Variants in RHBDL1 observed in about 807,000 individuals in gnomAD.
The protein encoded by RHBDL1 is rhomboid-related protein 1.
RHBDL1 carries 21 observed loss-of-function variants against 34.0 expected under a neutral mutation model. The ratio of observed to expected loss-of-function variants is 0.62; its 90% confidence interval spans 0.44 to 0.89. The LOEUF is 0.89. Ranked by LOEUF, RHBDL1 falls within the 40% of genes least tolerant of loss-of-function variation. The probability of loss-of-function intolerance (pLI) is 0.00; values close to 1 mark genes in which losing one functional copy is unlikely to be tolerated. For synonymous variants in RHBDL1, 268 were observed against 234.8 expected (o/e 1.14, Z -1.29); for missense variants, 450 against 530.6 (o/e 0.85, Z 1.49).
chr16:676,267 C>A lies in RHBDL1; in HGVS notation c.40-69C>A. ...GCCTGAGCCTGATGCTCCCAGCCAG[C>A]CTGGCCCAGCCCTTTGGTCCAGGGG... On this transcript the variant is annotated intron_variant, in intron 1 of 7. Coordinates refer to ENST00000352681, the MANE Select transcript of RHBDL1 (RefSeq NM_001278720.2). The surrounding 1 kb of genome is among the most constrained non-coding windows in gnomAD (Gnocchi z 6.9). 1 of 1,571,014 alleles carries A rather than the reference C, an allele frequency of 6.4e-7. No individual in the cohort carries two copies. The highest frequency in any genetic ancestry group is 8.6e-7 in the Non-Finnish European group (1 of 1,158,386).
chr16:677,238 A>T (rs1223311268), intron 4 of RHBDL1, 38 bp from the exon 5 acceptor site: 1 of 1,554,564 alleles, frequency 6.4e-7, no homozygotes, highest in Non-Finnish European at 8.7e-7. Flanking sequence ...CGGATGGCTG[A>T]CCCCACCCTT....
chr16:676,992 G>A lies in RHBDL1; in HGVS notation c.448G>A (p.Gly150Arg), dbSNP rs1471118161. Residue 150 changes from glycine (G) to arginine (R), a missense_variant, in exon 4 of 8, where the codon GGG becomes AGG. Gly to Arg is a moderately radical substitution (Grantham distance 125, BLOSUM62 -2). Coordinates refer to ENST00000352681, the MANE Select transcript of RHBDL1 (RefSeq NM_001278720.2). The surrounding 1 kb of genome is among the most constrained non-coding windows in gnomAD (Gnocchi z 6.9). ...CCAGATCATCGTGTTCCTGTGTTAC[G>A]GGGCCCGCCTCAACAAGTGGGTGCT... ...LAQIIVFLCY[G>R]ARLNKWVLQT... The A allele has an allele frequency of 3.1e-6, 5 of 1,612,420 alleles. No homozygotes were observed. The highest frequency in any genetic ancestry group is 3.4e-6 in the Non-Finnish European group (4 of 1,179,850).
rs576042519 is a variant in RHBDL1 at position 677,342 on chromosome 16, C to T, written c.642C>T (p.His214=). 8.3e-6 allele frequency: 13 copies of T among 1,575,224 alleles called. No individual in the cohort carries two copies. Among genetic ancestry groups the T allele is most frequent in the African/African-American group, 2.7e-5 (2 of 74,030 alleles). ...LMIGVPLEMV[H]GLLRISLLYL... ...TCGGGGTGCCCCTGGAGATGGTGCACGGCCTGCTCCGCATCAGCCTGCTCT... is the reference window on the plus strand; with the variant it reads ...TCGGGGTGCCCCTGGAGATGGTGCATGGCCTGCTCCGCATCAGCCTGCTCT... Residue 214 remains histidine (H), a synonymous_variant, in exon 5 of 8, where the codon CAC becomes CAT. Transcript: ENST00000352681.
chr16:676,522 C>A lies in RHBDL1; in HGVS notation c.201+25C>A, dbSNP rs765566380. The A allele has an allele frequency of 1.3e-6, 2 of 1,572,476 alleles. No homozygotes were observed. The highest frequency in any genetic ancestry group is 1.7e-6 in the Non-Finnish European group (2 of 1,162,454). On this transcript the variant is annotated intron_variant, in intron 2 of 7. Transcript: ENST00000352681. This position sits in a 1 kb window ranked among gnomAD's most constrained non-coding sequence, Gnocchi z 6.9. Reference sequence around the variant, plus strand: ...GGTCAGTGCCACGGTGGGCAGGCGGCAGGGGCACGGTGTCCTGGCCAGAGG... The same window carrying A: ...GGTCAGTGCCACGGTGGGCAGGCGGAAGGGGCACGGTGTCCTGGCCAGAGG...
Position 677,972 on chromosome 16 carries a change from G to A in RHBDL1, c.1042G>A (p.Gly348Ser), listed in dbSNP as rs201293235. Residue 348 changes from glycine (G) to serine (S), a missense_variant, in exon 8 of 8, where the codon GGC becomes AGC. Coordinates refer to ENST00000352681, the MANE Select transcript of RHBDL1 (RefSeq NM_001278720.2). Reference sequence around the variant, plus strand: ...CTGGTGGGTGGTGCTGCTGGCCTACGGCACCTTCCTGCTCTTCGCCGTCTT... The same window carrying A: ...CTGGTGGGTGGTGCTGCTGGCCTACAGCACCTTCCTGCTCTTCGCCGTCTT... ...CGWWVVLLAY[G>S]TFLLFAVFWN... 69 of 1,602,254 alleles carry A rather than the reference G, an allele frequency of 4.3e-5. No individual in the cohort carries two copies. The highest frequency in any genetic ancestry group is 2.2e-5 in the East Asian group (1 of 44,822).
At chr16:677,409 C>A (rs540907306) in intron 5 of RHBDL1, 21 bp downstream of exon 5, 1 of 1,569,970 alleles carries the variant, frequency 6.4e-7, no homozygotes, top group East Asian at 2.4e-5. Context: ...CGCGCACCCC[C>A]GCCCCCTGCC....
rs776510237 is a variant in RHBDL1, at chr16:675,768, A to ACCCCGGC, written c.-14_-8dup. On this transcript the variant is annotated 5_prime_UTR_variant, in exon 1 of 8. Coordinates refer to ENST00000352681, the MANE Select transcript of RHBDL1 (RefSeq NM_001278720.2). ...TCCCGGCCGCGGCCGCCGACCCCGG[A>ACCCCGGC]CCCCGGCCCCCGGCCAGGCTCTATG... 3.9e-4 allele frequency: 571 copies of ACCCCGGC among 1,451,146 alleles called. 2 individuals are homozygous for ACCCCGGC. In the East Asian group the frequency reaches 5.0e-3, roughly 13 times the overall value. 89.9% of individuals were successfully genotyped at this position (1,451,146 alleles called of 1,614,324 possible). A position where few individuals can be genotyped will look rare whatever the true frequency, so the allele number is the denominator to read the frequency against.
rs756998638 is a variant in RHBDL1 at position 677,925 on chromosome 16, A to T, written c.995A>T (p.Glu332Val). ...MGLTILRSYE[E>V]RLRDQCGWWV... ...CTGACCATCCTGCGGAGCTACGAGG[A>T]GCGCCTGCGGGACCAGTGCGGCTGG... Residue 332 changes from glutamate (E) to valine (V), a missense_variant, in exon 8 of 8, where the codon GAG becomes GTG. By Grantham distance (121) the Glu-to-Val change is moderately radical. Transcript: ENST00000352681. 6.2e-7 allele frequency: 1 copy of T among 1,603,674 alleles called. No homozygotes were observed. Among genetic ancestry groups the T allele is most frequent in the Non-Finnish European group, 8.5e-7 (1 of 1,179,352 alleles).
rs2039548247 is a variant in RHBDL1 at position 676,581 on chromosome 16, G to C, written c.201+84G>C. ...AGGCAGCTCCTCACGGCGGTGGGTG[G>C]GGGGCTTGTGGATGCGGGGAGCTGG... is the stretch of plus-strand genomic sequence containing the variant. On this transcript the variant is annotated intron_variant, in intron 2 of 7. Coordinates refer to ENST00000352681, the MANE Select transcript of RHBDL1 (RefSeq NM_001278720.2). This position sits in a 1 kb window ranked among gnomAD's most constrained non-coding sequence, Gnocchi z 6.9. The C allele has an allele frequency of 5.7e-6, 9 of 1,575,724 alleles. No individual in the cohort carries two copies. The highest frequency in any genetic ancestry group is 7.7e-6 in the Non-Finnish European group (9 of 1,163,894).
rs1218855260 is a variant in RHBDL1 at position 676,569 on chromosome 16, C to T, written c.201+72C>T. On this transcript the variant is annotated intron_variant, in intron 2 of 7. Transcript: ENST00000352681. The surrounding 1 kb of genome is among the most constrained non-coding windows in gnomAD (Gnocchi z 6.9). Reference sequence around the variant, plus strand: ...GAGGAGGCGGGCAGGCAGCTCCTCACGGCGGTGGGTGGGGGGCTTGTGGAT... The same window carrying T: ...GAGGAGGCGGGCAGGCAGCTCCTCATGGCGGTGGGTGGGGGGCTTGTGGAT... The T allele has an allele frequency of 8.3e-6, 13 of 1,570,336 alleles. No homozygotes were observed. Among genetic ancestry groups the T allele is most frequent in the Middle Eastern group, 2.2e-4 (1 of 4,518 alleles).
Position 676,862 on chromosome 16 carries a change from C to G in RHBDL1, c.392C>G (p.Pro131Arg). Reference sequence around the variant, plus strand: ...TTCTACCGTCACCGCAGCTGCCCACCCCCCGTGTTCATGGCCTCGGTCACT... The same window carrying G: ...TTCTACCGTCACCGCAGCTGCCCACGCCCCGTGTTCATGGCCTCGGTCACT... Reference protein sequence around the residue: ...WYFYRHRSCPPPVFMASVTLA... With the variant: ...WYFYRHRSCPRPVFMASVTLA... The change falls in exon 3 of 8, where the codon CCC becomes CGC. Residue 131 changes from proline (P) to arginine (R), a missense_variant. Coordinates refer to ENST00000352681, the MANE Select transcript of RHBDL1 (RefSeq NM_001278720.2). This position sits in a 1 kb window ranked among gnomAD's most constrained non-coding sequence, Gnocchi z 6.9. 6.2e-7 allele frequency: 1 copy of G among 1,612,118 alleles called. No individual in the cohort carries two copies.
Position 676,841 on chromosome 16 carries a change from A to G in RHBDL1, c.371A>G (p.Tyr124Cys). 2 of 1,610,100 alleles carry G rather than the reference A, an allele frequency of 1.2e-6. No individual in the cohort carries two copies. Among genetic ancestry groups the G allele is most frequent in the Non-Finnish European group, 1.7e-6 (2 of 1,179,370 alleles). ...PCEVDRRWYF[Y>C]RHRSCPPPVF... is the part of the protein sequence containing the mutation. ...GAGGTGGACCGCCGCTGGTACTTCT[A>G]CCGTCACCGCAGCTGCCCACCCCCC... The change falls in exon 3 of 8, where the codon TAC becomes TGC. Residue 124 changes from tyrosine (Y) to cysteine (C), a missense_variant. Coordinates refer to ENST00000352681, the MANE Select transcript of RHBDL1 (RefSeq NM_001278720.2). This position sits in a 1 kb window ranked among gnomAD's most constrained non-coding sequence, Gnocchi z 6.9.
At position 676,661 on chromosome 16, in the gene RHBDL1, C is replaced by A. The variant is rs749980786; in HGVS notation, c.202-11C>A. On this transcript the variant is annotated splice_polypyrimidine_tract_variant and intron_variant, in intron 2 of 7. Transcript: ENST00000352681. The surrounding 1 kb of genome is among the most constrained non-coding windows in gnomAD (Gnocchi z 6.9). ...GAGGTCCGTGGCCCACACTCAGGCC[C>A]CTGCCCCCAGATCAGCAGCAAGCGC... 2 of 1,610,096 alleles carry A rather than the reference C, an allele frequency of 1.2e-6. No homozygotes were observed. Among genetic ancestry groups the A allele is most frequent in the Admixed American group, 3.3e-5 (2 of 59,984 alleles).
chr16:677,423 G>A, intron 5 of RHBDL1, 35 bp downstream of exon 5: 1 of 1,576,876 alleles, frequency 6.3e-7, no homozygotes, highest in Admixed American at 1.8e-5. Flanking sequence ...CCCTGCCCTG[G>A]CCGGCTGCAC....
chr16:676,561 G>C lies in RHBDL1; in HGVS notation c.201+64G>C. ...CCTGGCCAGAGGAGGCGGGCAGGCA[G>C]CTCCTCACGGCGGTGGGTGGGGGGC... On this transcript the variant is annotated intron_variant, in intron 2 of 7. Transcript: ENST00000352681. This position sits in a 1 kb window ranked among gnomAD's most constrained non-coding sequence, Gnocchi z 6.9. The C allele has an allele frequency of 6.4e-7, 1 of 1,568,056 alleles. No homozygotes were observed. Among genetic ancestry groups the C allele is most frequent in the Non-Finnish European group, 8.6e-7 (1 of 1,160,520 alleles).
chr16:675,906 G>T, intron 1 of RHBDL1, 77 bp downstream of exon 1: 1 of 1,438,960 alleles, frequency 6.9e-7, no homozygotes, highest in South Asian at 1.4e-5. Context: ...GCTTGTGCGG[G>T]ACCGAGCTCC....
chr16:678,135 C>T lies in RHBDL1; in HGVS notation c.*83C>T, dbSNP rs987652131. On this transcript the variant is annotated 3_prime_UTR_variant, in exon 8 of 8. Transcript: ENST00000352681. ...GGCCTTCACGTCTGCCCTTTGTGAACGGACGTCTCAGGGCTGCTGTGCCCC... is the reference window on the plus strand; with the variant it reads ...GGCCTTCACGTCTGCCCTTTGTGAATGGACGTCTCAGGGCTGCTGTGCCCC... 37 of 1,440,582 alleles carry T rather than the reference C, an allele frequency of 2.6e-5. No individual in the cohort carries two copies. The highest frequency in any genetic ancestry group is 4.3e-5 in the African/African-American group (3 of 69,104). 89.2% of individuals were successfully genotyped at this position (1,440,582 alleles called of 1,614,324 possible).
rs765930196 is a variant in RHBDL1, at chr16:677,992, C to A, written c.1062C>A (p.Ala354=). 1.9e-6 allele frequency: 3 copies of A among 1,599,512 alleles called. No homozygotes were observed. Among genetic ancestry groups the A allele is most frequent in the Middle Eastern group, 1.7e-4 (1 of 6,060 alleles). Residue 354 remains alanine (A), a synonymous_variant, in exon 8 of 8, where the codon GCC becomes GCA. Coordinates refer to ENST00000352681, the MANE Select transcript of RHBDL1 (RefSeq NM_001278720.2). ...CCTACGGCACCTTCCTGCTCTTCGC[C>A]GTCTTCTGGAACGTCTTCGCCTACG... ...LLAYGTFLLF[A]VFWNVFAYDL...
At position 676,110 on chromosome 16, in the gene RHBDL1, G is replaced by A. The variant is rs2151499457; in HGVS notation, c.40-226G>A. On this transcript the variant is annotated intron_variant, in intron 1 of 7. Transcript: ENST00000352681. This position sits in a 1 kb window ranked among gnomAD's most constrained non-coding sequence, Gnocchi z 6.9. ...GGCCCTCGCTTTCCAGGATGGGTAG[G>A]GTGGAAGACGGGGGAACAACTGAGG... 6.9e-7 allele frequency: 1 copy of A among 1,452,488 alleles called. No homozygotes were observed. Among genetic ancestry groups the A allele is most frequent in the Non-Finnish European group, 9.1e-7 (1 of 1,098,710 alleles). 90.0% of individuals were successfully genotyped at this position (1,452,488 alleles called of 1,614,324 possible).
Sources: gnomAD v4.1 joint callset for allele counts on GRCh38, gnomAD v4.1.1 for gene constraint, Gnocchi (gnomAD v3.1) non-coding constraint, MANE v1.5 for transcripts, NCBI Gene and HGNC (gene_info 2026-07-23, HGNC 2026-07-21) for gene names.